The following DNAJC17 variants were observed in gnomAD, a reference collection of about 807,000 sequenced individuals.
DNAJC17 encodes the protein DnaJ heat shock protein family (Hsp40) member C17, also known as dnaJ homolog subfamily C member 17.
A neutral mutation model predicts 48.1 loss-of-function variants in DNAJC17; 35 were observed. The ratio of observed to expected loss-of-function variants is 0.73; its 90% CI spans 0.56 to 0.96. DNAJC17 has a LOEUF of 0.96. DNAJC17 is among the 50% of genes least tolerant of loss of function. The pLI, the probability that DNAJC17 is intolerant of heterozygous loss-of-function variation, is 0.00. For synonymous variants in DNAJC17, 117 were observed against 142.7 expected (o/e 0.82, Z 1.28); for missense variants, 355 against 377.1 (o/e 0.94, Z 0.48).
intron 1 of DNAJC17, among the ~76,000 whole-genome samples, chr15:40,797,717 C>CTTTTTTT (rs538219563): frequency 2.0e-5 from 2 of 98,990 alleles, no homozygotes; most frequent in African/African-American, 3.7e-5. Flanking sequence ...TGGCCGATCT[C>CTTTTTTT]TTTTTTTTTT....
At chr15:40,786,971 G>A (rs1281521337) in intron 1 of DNAJC17, among the ~76,000 whole-genome samples, 3 of 152,184 alleles carry the variant, frequency 2.0e-5, no homozygotes, top group South Asian at 2.1e-4. Flanking sequence ...AGTATGACAC[G>A]TTCTACGGAG....
chr15:40,772,959 CTT>C (rs754542485), intron 10 of DNAJC17, among the ~76,000 whole-genome samples: 27 of 133,550 alleles, frequency 2.0e-4, no homozygotes, highest in African/African-American at 2.5e-4. Context: ...AGAGTTCCTT[CTT>C]TTTTTTTTTT....
intron 1 of DNAJC17, among the ~76,000 whole-genome samples, chr15:40,805,065 T>C (rs1038752153): frequency 1.2e-4 from 18 of 151,276 alleles, no homozygotes; most frequent in Admixed American, 6.6e-4. Flanking sequence ...AGTTTCTCAC[T>C]ATTAATAAAG....
intron 1 of DNAJC17, among the ~76,000 whole-genome samples, chr15:40,785,701 T>C (rs573005889): frequency 6.6e-6 from 1 of 152,280 alleles, no homozygotes; most frequent in Non-Finnish European, 1.5e-5. Flanking sequence ...TCAACTCCAT[T>C]TGAATTCTCT....
chr15:40,772,681 G>A (rs909574387), intron 10 of DNAJC17, among the ~76,000 whole-genome samples: 6 of 152,188 alleles, frequency 3.9e-5, no homozygotes, highest in Non-Finnish European at 8.8e-5. Flanking sequence ...GCCTGCTGAG[G>A]GGCTGTGGAC....
chr15:40,771,365 G>C, intron 10 of DNAJC17: 1 of 326,336 alleles, frequency 3.1e-6, no homozygotes, highest in Non-Finnish European at 6.0e-6. Flanking sequence ...ACCAGGTAGA[G>C]GCTGGCAGAG....
intron 1 of DNAJC17, among the ~76,000 whole-genome samples, chr15:40,796,302 G>A (rs1889938993): frequency 1.3e-5 from 2 of 152,264 alleles, no homozygotes; most frequent in Admixed American, 6.5e-5. Context: ...GTAAGCAAAT[G>A]GGCATGTACT....
In DNAJC17 at chr15:40,769,511, G is replaced by C. The variant is rs913845983; in HGVS notation, c.793-1449C>G. ...CTTGGCGGGCCCCCAGCCCAACCCT[G>C]GGCAGCAGAGCCCGCCCATCACAGG... On this transcript the variant is annotated intron_variant, in intron 10 of 10. Transcript: ENST00000220496. The surrounding 1 kb of genome is among the most constrained non-coding windows in gnomAD (Gnocchi z 4.2). Among the ~76,000 whole-genome samples, 1 of 152,222 alleles carries C rather than the reference G, an allele frequency of 6.6e-6. No homozygotes were observed. The highest frequency in any genetic ancestry group is 1.5e-5 in the Non-Finnish European group (1 of 68,034).
intron 1 of DNAJC17, among the ~76,000 whole-genome samples, chr15:40,803,729 T>C (rs1303677562): frequency 1.3e-5 from 2 of 151,444 alleles, no homozygotes; most frequent in African/African-American, 2.5e-5. Flanking sequence ...GAACTCACCA[T>C]GTCTCCCTTG....
intron 1 of DNAJC17, among the ~76,000 whole-genome samples, chr15:40,797,081 G>A (rs1889954748): frequency 6.6e-6 from 1 of 151,946 alleles, no homozygotes; most frequent in Admixed American, 6.6e-5. Flanking sequence ...AATTAGAGTA[G>A]GGACTCTGCC....
chr15:40,775,760 TC>T, intron 6 of DNAJC17, 164 bp from the exon 7 acceptor site: 1 of 711,676 alleles, frequency 1.4e-6, no homozygotes, highest in African/African-American at 1.8e-5. Flanking sequence ...CAGATGCCCA[TC>T]CCCAGAGAAG....
intron 1 of DNAJC17, among the ~76,000 whole-genome samples, chr15:40,797,829 C>A (rs1456911841): frequency 6.7e-6 from 1 of 148,610 alleles, no homozygotes; most frequent in Non-Finnish European, 1.5e-5. Context: ...TCAAGCAATT[C>A]TCCCGCCTCA....
chr15:40,768,174 C>T lies in DNAJC17; in HGVS notation c.793-112G>A, dbSNP rs568041667. The T allele has an allele frequency of 9.2e-5, 124 of 1,344,794 alleles. No homozygotes were observed. In the African/African-American group the frequency reaches 1.7e-3, roughly 18 times the overall value. 83.3% of individuals were successfully genotyped at this position (1,344,794 alleles called of 1,614,324 possible). A position where few individuals can be genotyped will look rare whatever the true frequency, so the allele number is the denominator to read the frequency against. On this transcript the variant is annotated intron_variant, in intron 10 of 10. Transcript: ENST00000220496. ...CGTTCTAAGAGTCTCGGAGGGAGGA[C>T]GGCAGAGGAAGGGAAGGAACCCGGA...
At chr15:40,799,987 C>G (rs1890036126) in intron 1 of DNAJC17, among the ~76,000 whole-genome samples, 1 of 151,638 alleles carries the variant, frequency 6.6e-6, no homozygotes, top group Non-Finnish European at 1.5e-5. Flanking sequence ...TGAGCCATCA[C>G]ACCAGGGTTT....
intron 10 of DNAJC17, 39 bp from the exon 11 acceptor site, chr15:40,768,101 G>T: frequency 6.6e-7 from 1 of 1,505,414 alleles, no homozygotes. Context: ...GTCAGGGACA[G>T]CAGGGCACAG....
At chr15:40,805,204 C>T (rs1051625960) in intron 1 of DNAJC17, among the ~76,000 whole-genome samples, 4 of 148,682 alleles carry the variant, frequency 2.7e-5, no homozygotes, top group East Asian at 2.1e-4. Context: ...GGTGAGACCC[C>T]GTCTCTACTA....
chr15:40,786,104 A>G (rs1889634332), intron 1 of DNAJC17, among the ~76,000 whole-genome samples: 1 of 151,998 alleles, frequency 6.6e-6, no homozygotes, highest in African/African-American at 2.4e-5. Flanking sequence ...TGTAAACACA[A>G]CTCTCCTAAA....
Position 40,765,968 on chromosome 15 carries a change from C to T in DNAJC17, c.*1972G>A, listed in dbSNP as rs367552108. The T allele has an allele frequency of 7.3e-6, 7 of 960,686 alleles. No homozygotes were observed. The highest frequency in any genetic ancestry group is 4.8e-6 in the Non-Finnish European group (3 of 628,124). 59.5% of individuals were successfully genotyped at this position (960,686 alleles called of 1,614,324 possible). A position where few individuals can be genotyped will look rare whatever the true frequency, so the allele number is the denominator to read the frequency against. ...TATCCTCTCCCTGCCAGCCCCTAGA[C>T]CTGCCTCTGCTCCCTTTATACAACC... On this transcript the variant is annotated 3_prime_UTR_variant, in exon 11 of 11. Coordinates refer to ENST00000220496, the MANE Select transcript of DNAJC17 (RefSeq NM_018163.3).
intron 1 of DNAJC17, among the ~76,000 whole-genome samples, chr15:40,796,550 GC>G (rs748317256): frequency 2.6e-5 from 4 of 152,100 alleles, no homozygotes; most frequent in African/African-American, 4.8e-5. Context: ...ATCACAGGAG[GC>G]CCACTTCACA....
Sources: allele counts gnomAD v4.1 joint callset (sites outside exome capture counted in the v4.1 genomes callset), GRCh38; gene constraint gnomAD v4.1.1; non-coding constraint Gnocchi (gnomAD v3.1); transcripts MANE v1.5; gene names NCBI Gene and HGNC (gene_info 2026-07-23, HGNC 2026-07-21).